PRR16: variants seen among roughly 807,000 people sequenced by gnomAD.
The protein encoded by PRR16 is proline rich 16.
PRR16 carries 6 observed loss-of-function variants against 18.2 expected under a neutral mutation model. The ratio of observed to expected loss-of-function variants is 0.33; its 90% CI spans 0.18 to 0.65. The LOEUF is 0.65. Ranked by LOEUF, PRR16 falls within the 30% of genes least tolerant of loss-of-function variation. PRR16 has a pLI of 0.74. For synonymous variants in PRR16, 151 were observed against 147.8 expected (o/e 1.02, Z -0.16); for missense variants, 412 against 376.6 (o/e 1.09, Z -0.78).
At chr5:120,550,797 G>A (rs1752230058) in intron 1 of PRR16, among the ~76,000 whole-genome samples, 1 of 151,918 alleles carries the variant, frequency 6.6e-6, no homozygotes, top group Non-Finnish European at 1.5e-5. Flanking sequence ...AATTCAGTGT[G>A]CCTAAAGCAG....
chr5:120,672,252 GTGT>G (rs1756634758), intron 1 of PRR16, among the ~76,000 whole-genome samples: 1 of 150,934 alleles, frequency 6.6e-6, no homozygotes, highest in South Asian at 2.1e-4. Context: ...GTGTGTGTGT[GTGT>G]GTGTGTGTGT....
intron 1 of PRR16, among the ~76,000 whole-genome samples, chr5:120,490,518 C>T (rs914055217): frequency 2.6e-5 from 4 of 152,094 alleles, no homozygotes; most frequent in East Asian, 3.9e-4. Context: ...CCTTTAAGGA[C>T]TTCTCTGCAT....
At chr5:120,628,689 T>TCTA (rs1561581752) in intron 1 of PRR16, among the ~76,000 whole-genome samples, 6 of 142,032 alleles carry the variant, frequency 4.2e-5, no homozygotes, top group South Asian at 2.3e-4. Context: ...CTATCTATCA[T>TCTA]TCTACCATCT....
At chr5:120,533,225 G>A (rs1336628574) in intron 1 of PRR16, among the ~76,000 whole-genome samples, 2 of 152,132 alleles carry the variant, frequency 1.3e-5, no homozygotes, top group East Asian at 1.9e-4. Context: ...ATCAAATTTG[G>A]TAATTACAAA....
At chr5:120,690,746 T>C (rs1020717661), downstream of PRR16, among the ~76,000 whole-genome samples, 5 of 152,152 alleles carry the variant, frequency 3.3e-5, no homozygotes, top group African/African-American at 9.7e-5. Context: ...GATGCTGCAA[T>C]TCGGGCACAC....
chr5:120,507,890 G>T (rs1750697187), intron 1 of PRR16, among the ~76,000 whole-genome samples: 1 of 152,074 alleles, frequency 6.6e-6, no homozygotes, highest in African/African-American at 2.4e-5. Context: ...ATGACAGCTG[G>T]ATGACAAAGC....
intron 1 of PRR16, among the ~76,000 whole-genome samples, chr5:120,663,607 C>G (rs1055732006): frequency 6.6e-6 from 1 of 152,150 alleles, no homozygotes; most frequent in Non-Finnish European, 1.5e-5. Context: ...AGACTTTGTA[C>G]TTTAGCTCAA....
At chr5:120,609,316 TA>T (rs1754258821) in intron 1 of PRR16, among the ~76,000 whole-genome samples, 1 of 152,124 alleles carries the variant, frequency 6.6e-6, no homozygotes, top group Non-Finnish European at 1.5e-5. Context: ...AAACAATTTT[TA>T]TCACCCCAGA....
At chr5:120,605,925 C>G (rs981631644) in intron 1 of PRR16, among the ~76,000 whole-genome samples, 1 of 152,144 alleles carries the variant, frequency 6.6e-6, no homozygotes, top group Non-Finnish European at 1.5e-5. Context: ...GGCAACAACA[C>G]TCCAATGGGG....
chr5:120,693,757 T>C, the PRR16 span, among the ~76,000 whole-genome samples: 1 of 133,956 alleles, frequency 7.5e-6, no homozygotes, highest in Non-Finnish European at 1.6e-5. Context: ...ACACACATAG[T>C]TAAGGTCAGT....
intron 1 of PRR16, among the ~76,000 whole-genome samples, chr5:120,676,102 G>T (rs780732785): frequency 2.0e-5 from 3 of 152,116 alleles, no homozygotes; most frequent in Non-Finnish European, 2.9e-5. Flanking sequence ...ATGTGCCTCT[G>T]TGTGGGTGTG....
chr5:120,668,156 T>C (rs1756462366), intron 1 of PRR16, among the ~76,000 whole-genome samples: 1 of 151,724 alleles, frequency 6.6e-6, no homozygotes, highest in Non-Finnish European at 1.5e-5. Flanking sequence ...GGTGCATATA[T>C]ATTTAGGATA....
intron 1 of PRR16, among the ~76,000 whole-genome samples, chr5:120,549,313 C>T (rs1332285887): frequency 6.6e-6 from 1 of 152,008 alleles, no homozygotes; most frequent in Non-Finnish European, 1.5e-5. Flanking sequence ...GTCTTAAACT[C>T]CTGGGCACAA....
chr5:120,695,936 T>G, the PRR16 span, among the ~76,000 whole-genome samples: 1 of 20,154 alleles, frequency 5.0e-5, no homozygotes, highest in African/African-American at 1.1e-4. Context: ...TATGTGTGTG[T>G]GTATATATAT....
At chr5:120,776,950 C>T in the PRR16 span, among the ~76,000 whole-genome samples, 3 of 152,090 alleles carry the variant, frequency 2.0e-5, no homozygotes, top group Admixed American at 6.5e-5. Context: ...TAAAGCAACA[C>T]TATCCAAAAT....
intron 1 of PRR16, among the ~76,000 whole-genome samples, chr5:120,532,218 C>T (rs1269007822): frequency 6.6e-6 from 1 of 152,012 alleles, no homozygotes; most frequent in African/African-American, 2.4e-5. Flanking sequence ...TCCGGCCATG[C>T]CATTTTAGGT....
chr5:120,758,320 G>C, the PRR16 span, among the ~76,000 whole-genome samples: 1 of 144,728 alleles, frequency 6.9e-6, no homozygotes, highest in East Asian at 1.9e-4. Context: ...TATTGTTGCT[G>C]GGCTCTGTAT....
intron 1 of PRR16, among the ~76,000 whole-genome samples, chr5:120,656,974 A>C (rs766909672): frequency 3.9e-5 from 6 of 152,030 alleles, no homozygotes; most frequent in Non-Finnish European, 7.4e-5. Flanking sequence ...TTGGAATGAG[A>C]AATGTCTGCA....
intron 1 of PRR16, among the ~76,000 whole-genome samples, chr5:120,676,352 C>G (rs1756795095): frequency 6.6e-6 from 1 of 152,076 alleles, no homozygotes; most frequent in Non-Finnish European, 1.5e-5. Flanking sequence ...CTATTTCATT[C>G]TACCTTTTGA....
Sources: allele counts gnomAD v4.1 joint callset (sites outside exome capture counted in the v4.1 genomes callset), GRCh38; gene constraint gnomAD v4.1.1; transcripts MANE v1.5; gene names NCBI Gene and HGNC (gene_info 2026-07-23, HGNC 2026-07-21).